The following SNTB1 variants were observed in gnomAD, a reference collection of about 807,000 sequenced individuals.
SNTB1 encodes the protein beta-1-syntrophin.
A neutral mutation model predicts 48.9 loss-of-function variants in SNTB1; 36 were observed. The observed-to-expected ratio is 0.74, with a 90% CI of 0.56 to 0.97. The LOEUF is 0.97. SNTB1 is among the 50% of genes least tolerant of loss of function. The pLI is 0.00. For missense variants in SNTB1, 786 were observed against 703.4 expected (o/e 1.12, Z -1.33); for synonymous variants, 299 against 294.6 (o/e 1.01, Z -0.15).
At chr8:120,622,614 G>GT (rs1816811913) in intron 3 of SNTB1, among the ~76,000 whole-genome samples, 1 of 152,140 alleles carries the variant, frequency 6.6e-6, no homozygotes, top group Admixed American at 6.5e-5. Flanking sequence ...AAATGCCAAT[G>GT]TGAGTTATCA....
At chr8:120,570,977 C>T (rs572834138) in intron 4 of SNTB1, 1 of 233,450 alleles carries the variant, frequency 4.3e-6, no homozygotes, top group Admixed American at 5.2e-5. Context: ...CACATCAACA[C>T]ACTTTGTTCC....
At chr8:120,641,425 G>A (rs771610127) in intron 2 of SNTB1, among the ~76,000 whole-genome samples, 4 of 152,072 alleles carry the variant, frequency 2.6e-5, no homozygotes, top group Non-Finnish European at 5.9e-5. Context: ...TCAAAGAAAC[G>A]ACATCTTGGG....
intron 1 of SNTB1, among the ~76,000 whole-genome samples, chr8:120,777,258 T>C (rs1819749990): frequency 6.6e-6 from 1 of 152,202 alleles, no homozygotes; most frequent in Admixed American, 6.5e-5. Flanking sequence ...ATGTTGAACT[T>C]GGAAAAATCC....
At chr8:120,740,418 C>T (rs930449735) in intron 1 of SNTB1, among the ~76,000 whole-genome samples, 5 of 152,230 alleles carry the variant, frequency 3.3e-5, no homozygotes, top group African/African-American at 9.6e-5. Flanking sequence ...CTAATATTTA[C>T]GGAGCATTTC....
chr8:120,709,386 C>G (rs1818426731), intron 1 of SNTB1, among the ~76,000 whole-genome samples: 1 of 152,068 alleles, frequency 6.6e-6, no homozygotes, highest in Non-Finnish European at 1.5e-5. Context: ...GAGGTTTGAG[C>G]TGTGGACAGA....
intron 1 of SNTB1, among the ~76,000 whole-genome samples, chr8:120,774,250 G>A (rs1253236489): frequency 6.6e-6 from 1 of 152,214 alleles, no homozygotes; most frequent in Non-Finnish European, 1.5e-5. Flanking sequence ...GTGATTAACT[G>A]GAGAAAAGAT....
rs1458150286 is a variant in SNTB1 at position 120,647,113 on chromosome 8, C to G, written c.789-14462G>C. On this transcript the variant is annotated intron_variant, in intron 2 of 6. Transcript: ENST00000517992. ...CAATTTTGTTGATCCTTTCAAAAAACCAGCTCCTGGATTCATTAATTTTTT... is the reference window on the plus strand; with the variant it reads ...CAATTTTGTTGATCCTTTCAAAAAAGCAGCTCCTGGATTCATTAATTTTTT... Among the ~76,000 whole-genome samples the G allele has an allele frequency of 1.6e-3, 228 of 139,862 alleles. 1 individual carries two copies. The highest frequency in any genetic ancestry group is 2.6e-3 in the Non-Finnish European group (166 of 64,314). 91.8% of individuals were successfully genotyped at this position (139,862 alleles called of 152,430 possible).
intron 3 of SNTB1, among the ~76,000 whole-genome samples, chr8:120,601,492 C>T (rs1293998114): frequency 3.9e-5 from 6 of 152,160 alleles, no homozygotes; most frequent in Non-Finnish European, 8.8e-5. Flanking sequence ...GAGAGTTTCA[C>T]CATATCCTTC....
intron 1 of SNTB1, among the ~76,000 whole-genome samples, chr8:120,750,104 C>T (rs1470030451): frequency 6.6e-6 from 1 of 151,956 alleles, no homozygotes; most frequent in Non-Finnish European, 1.5e-5. Flanking sequence ...TATTCAATTA[C>T]TAAAGTGAAT....
chr8:120,692,395 G>A (rs968550459), intron 2 of SNTB1, among the ~76,000 whole-genome samples: 1 of 152,050 alleles, frequency 6.6e-6, no homozygotes, highest in Admixed American at 6.5e-5. Flanking sequence ...CCAGTCGAGC[G>A]GTTCCTATTT....
chr8:120,740,892 A>G (rs944908498), intron 1 of SNTB1, among the ~76,000 whole-genome samples: 1 of 152,190 alleles, frequency 6.6e-6, no homozygotes, highest in Non-Finnish European at 1.5e-5. Flanking sequence ...GCACACAACC[A>G]CTAGGAAGTG....
At chr8:120,546,816 C>G (rs1160199430) in intron 5 of SNTB1, among the ~76,000 whole-genome samples, 4 of 152,160 alleles carry the variant, frequency 2.6e-5, no homozygotes, top group Admixed American at 2.6e-4. Context: ...TTTAAATTAT[C>G]TATCTATATA....
intron 2 of SNTB1, among the ~76,000 whole-genome samples, chr8:120,692,463 C>T (rs1267047380): frequency 6.6e-6 from 1 of 152,074 alleles, no homozygotes; most frequent in African/African-American, 2.4e-5. Flanking sequence ...TGGCTCGATC[C>T]CTCGCTTTCT....
At chr8:120,553,872 C>CCT (rs905395010) in intron 4 of SNTB1, among the ~76,000 whole-genome samples, 1 of 152,074 alleles carries the variant, frequency 6.6e-6, no homozygotes, top group African/African-American at 2.4e-5. Context: ...GTGGCACGTG[C>CCT]CTGTAGTCCC....
At chr8:120,572,324 T>C (rs1308129283) in intron 4 of SNTB1, among the ~76,000 whole-genome samples, 1 of 152,208 alleles carries the variant, frequency 6.6e-6, no homozygotes, top group African/African-American at 2.4e-5. Flanking sequence ...CAATAATTCA[T>C]TCAACAGACA....
intron 2 of SNTB1, among the ~76,000 whole-genome samples, chr8:120,687,519 A>G (rs1563851835): frequency 6.6e-6 from 1 of 152,210 alleles, no homozygotes. Flanking sequence ...GGCTCTCCCC[A>G]TCCTGGAAAG....
chr8:120,802,199 T>G (rs959541865), intron 1 of SNTB1, among the ~76,000 whole-genome samples: 1 of 152,186 alleles, frequency 6.6e-6, no homozygotes, highest in Non-Finnish European at 1.5e-5. Flanking sequence ...TGTAAACTTA[T>G]AGAAAGAAGT....
chr8:120,714,970 G>A (rs1275259575), intron 1 of SNTB1, among the ~76,000 whole-genome samples: 1 of 152,174 alleles, frequency 6.6e-6, no homozygotes, highest in Non-Finnish European at 1.5e-5. Flanking sequence ...AGTAGTCTTG[G>A]ATTTCTGTGA....
At chr8:120,591,056 T>G (rs1203116555) in intron 3 of SNTB1, among the ~76,000 whole-genome samples, 1 of 152,136 alleles carries the variant, frequency 6.6e-6, no homozygotes, top group African/African-American at 2.4e-5. Context: ...GCATTAACAT[T>G]TCCAAGAGAG....
Sources: gnomAD v4.1 joint callset for allele counts (sites outside exome capture counted in the v4.1 genomes callset) on GRCh38, gnomAD v4.1.1 for gene constraint, MANE v1.5 for transcripts, NCBI Gene and HGNC (gene_info 2026-07-23, HGNC 2026-07-21) for gene names.